SH3BGRL: variants seen among roughly 807,000 people sequenced by gnomAD.
SH3BGRL encodes the protein SH3 domain binding glutamate rich protein like.
In SH3BGRL, 7 loss-of-function variants were observed where a neutral mutation model predicts 9.8. That is an observed-to-expected ratio of 0.72 (90% CI 0.41 to 1.35). SH3BGRL has a LOEUF of 1.35. SH3BGRL is among the 40% of genes most tolerant of loss of function. The pLI is 0.01. For missense variants in SH3BGRL, 73 were observed against 84.4 expected, an observed-to-expected ratio of 0.86 and a Z score of 0.53; for synonymous variants, 36 against 29.1, an observed-to-expected ratio of 1.24 and a Z score of -0.76.
chrX:81,231,056 G>C (rs2075631506), intron 1 of SH3BGRL, among the ~76,000 whole-genome samples: 1 of 112,270 alleles, frequency 8.9e-6, no homozygotes, highest in African/African-American at 3.2e-5. Flanking sequence ...ACAAGTTGGT[G>C]GTCTGTGGCT....
intron 1 of SH3BGRL, among the ~76,000 whole-genome samples, chrX:81,232,295 C>T (rs929779164): frequency 9.0e-6 from 1 of 110,589 alleles, no homozygotes; most frequent in African/African-American, 3.3e-5. Context: ...GTATTACATA[C>T]ACATCACAGA....
rs907724158 is a variant in SH3BGRL, at chrX:81,237,346, A to C, written c.45+35101A>C. The C allele has an allele frequency of 9.7e-6, 3 of 309,679 alleles. No individual in the cohort carries two copies. In the Admixed American group the frequency reaches 9.9e-5, roughly 10 times the overall value. The allele number at this position is 309,679 out of a possible 1,213,427, so 25.5% of individuals were successfully genotyped here. On this transcript the variant is annotated intron_variant, in intron 1 of 3. Transcript: ENST00000373212. ...AAAGAGGCACTGAAAAGGTAGAAAA[A>C]ACAGTCTTGAATCACCAGTGTCGCC...
chrX:81,283,619 C>G (rs900768637), intron 3 of SH3BGRL, among the ~76,000 whole-genome samples: 1 of 111,498 alleles, frequency 9.0e-6, no homozygotes, highest in Non-Finnish European at 1.9e-5. Flanking sequence ...AATCCAGCAT[C>G]ACTTTATGAT....
Position 81,265,760 on chromosome X carries a change from T to C in SH3BGRL, c.46-11224T>C, listed in dbSNP as rs1268975486. 1.2e-4 allele frequency among the ~76,000 whole-genome samples: 14 copies of C among 112,027 alleles called. 1 individual carries two copies. The Admixed American group carries it at 1.3e-3, about 11-fold the overall frequency. On this transcript the variant is annotated intron_variant, in intron 1 of 3. Coordinates refer to ENST00000373212, the MANE Select transcript of SH3BGRL (RefSeq NM_003022.3). ...GGCTGGGTCAAATGGTATTTCTAGT[T>C]CTAGATCCTTAAGGAATCACCACAC...
intron 3 of SH3BGRL, among the ~76,000 whole-genome samples, chrX:81,293,668 G>A (rs2075865293): frequency 8.9e-6 from 1 of 112,205 alleles, no homozygotes; most frequent in Non-Finnish European, 1.9e-5. Context: ...GGGTGATAGA[G>A]TGAGATTCCA....
intron 1 of SH3BGRL, among the ~76,000 whole-genome samples, chrX:81,268,563 T>C (rs1349619301): frequency 8.9e-6 from 1 of 112,061 alleles, no homozygotes; most frequent in Non-Finnish European, 1.9e-5. Context: ...CTAATTTGAC[T>C]GCACTGTGGT....
chrX:81,294,879 T>C, intron 3 of SH3BGRL, among the ~76,000 whole-genome samples: 1 of 112,451 alleles, frequency 8.9e-6, no homozygotes. Context: ...ATGTGAGACA[T>C]GGAGTCAAAG....
intron 1 of SH3BGRL, among the ~76,000 whole-genome samples, chrX:81,229,955 T>TCTGTATCAA (rs2075628121): frequency 8.9e-6 from 1 of 111,788 alleles, no homozygotes; most frequent in Non-Finnish European, 1.9e-5. Flanking sequence ...ATGCTCCTCT[T>TCTGTATCAA]CTGTATCAAT....
chrX:81,263,277 G>C (rs1193020663), intron 1 of SH3BGRL, among the ~76,000 whole-genome samples: 1 of 111,595 alleles, frequency 9.0e-6, no homozygotes, highest in Admixed American at 9.5e-5. Flanking sequence ...ATGAAGCTGG[G>C]CCTCATTATG....
chrX:81,275,725 GATCTTTAA>G (rs772804441), intron 1 of SH3BGRL, among the ~76,000 whole-genome samples: 343 of 112,283 alleles, frequency 3.1e-3, no homozygotes, highest in Non-Finnish European at 3.9e-3. Flanking sequence ...GATTCTAACT[GATCTTTAA>G]AGAGGGACAT....
chrX:81,284,611 G>A (rs1333418394), intron 3 of SH3BGRL, among the ~76,000 whole-genome samples: 1 of 110,391 alleles, frequency 9.1e-6, no homozygotes. Flanking sequence ...GATGAAATTA[G>A]GAGAAAGGAA....
intron 2 of SH3BGRL, 44 bp from the exon 3 acceptor site, chrX:81,278,287 A>T (rs770300162): frequency 3.2e-6 from 3 of 944,565 alleles, no homozygotes; most frequent in Admixed American, 5.2e-5. Context: ...TTTTTCTTTT[A>T]TTGGTTGCAT....
intron 1 of SH3BGRL, among the ~76,000 whole-genome samples, chrX:81,224,774 A>T (rs757225024): frequency 8.9e-6 from 1 of 111,841 alleles, no homozygotes; most frequent in Non-Finnish European, 1.9e-5. Flanking sequence ...GATATGGTAT[A>T]ATAAATGGAT....
At chrX:81,206,249 A>G (rs1448126109) in intron 1 of SH3BGRL, among the ~76,000 whole-genome samples, 1 of 110,637 alleles carries the variant, frequency 9.0e-6, no homozygotes, top group Non-Finnish European at 1.9e-5. Flanking sequence ...TTTTACTTTC[A>G]TTGCCTGTTT....
chrX:81,242,619 C>T (rs955961003), intron 1 of SH3BGRL, among the ~76,000 whole-genome samples: 15 of 111,497 alleles, frequency 1.3e-4, no homozygotes, highest in Middle Eastern at 4.2e-3. Context: ...GAACAATCAA[C>T]AAAGTGAAGA....
intron 1 of SH3BGRL, among the ~76,000 whole-genome samples, chrX:81,210,421 A>G (rs1202328924): frequency 8.9e-6 from 1 of 111,835 alleles, no homozygotes; most frequent in East Asian, 2.8e-4. Context: ...TATTAAACAT[A>G]TGATCAATCA....
At chrX:81,234,889 G>C (rs1405810331) in intron 1 of SH3BGRL, among the ~76,000 whole-genome samples, 2 of 111,937 alleles carry the variant, frequency 1.8e-5, no homozygotes, top group Non-Finnish European at 3.8e-5. Context: ...TTATGAGCTA[G>C]CAAGTACTTA....
chrX:81,258,027 G>T (rs966393812), intron 1 of SH3BGRL, among the ~76,000 whole-genome samples: 1 of 111,533 alleles, frequency 9.0e-6, no homozygotes, highest in Non-Finnish European at 1.9e-5. Flanking sequence ...CATGCCTGCT[G>T]TCTCAAAGCC....
At chrX:81,243,146 G>A (rs2075676574) in intron 1 of SH3BGRL, among the ~76,000 whole-genome samples, 1 of 112,215 alleles carries the variant, frequency 8.9e-6, no homozygotes, top group African/African-American at 3.2e-5. Context: ...AGTGTCCATC[G>A]ACAGATGAAT....
Sources: allele counts gnomAD v4.1 joint callset (sites outside exome capture counted in the v4.1 genomes callset), GRCh38; gene constraint gnomAD v4.1.1; transcripts MANE v1.5; gene names NCBI Gene and HGNC (gene_info 2026-07-23, HGNC 2026-07-21).